Variants in PTPRG observed in about 807,000 individuals in gnomAD.
PTPRG encodes protein tyrosine phosphatase receptor type G, also known as receptor-type tyrosine-protein phosphatase gamma.
Under a neutral mutation model 165.3 loss-of-function variants are expected in PTPRG, and 102 were observed. That is an observed-to-expected ratio of 0.62 (90% CI 0.53 to 0.73). PTPRG has a LOEUF of 0.73. PTPRG is among the 30% of genes least tolerant of loss of function. The pLI, the probability that PTPRG is intolerant of heterozygous loss-of-function variation, is 0.00. For missense variants in PTPRG, 1,866 were observed against 1,861.4 expected, an observed-to-expected ratio of 1.00 and a Z score of -0.05; for synonymous variants, 675 against 669.5, an observed-to-expected ratio of 1.01 and a Z score of -0.13.
Position 61,562,470 on chromosome 3 carries a change from AC to A in PTPRG, c.85+101del, listed in dbSNP as rs1286242243. On this transcript the variant is annotated intron_variant, in intron 1 of 29. Coordinates refer to ENST00000474889, the MANE Select transcript of PTPRG (RefSeq NM_002841.4). ...CGGAGCTCCGGCGCCCGTCCGGGAGACCCTGGAGAGGGTGGAGGGTGGCCCG... is the reference window on the plus strand; with the variant it reads ...CGGAGCTCCGGCGCCCGTCCGGGAGACCTGGAGAGGGTGGAGGGTGGCCCG... 5.1e-6 allele frequency: 6 copies of A among 1,179,302 alleles called. No homozygotes were observed. In the African/African-American group the frequency reaches 9.1e-5, roughly 18 times the overall value. 73.1% of individuals were successfully genotyped at this position (1,179,302 alleles called of 1,614,324 possible).
At chr3:61,804,457 AT>A (rs777185733) in intron 2 of PTPRG, among the ~76,000 whole-genome samples, 5 of 152,186 alleles carry the variant, frequency 3.3e-5, no homozygotes, top group Non-Finnish European at 7.4e-5. Flanking sequence ...TTGCTTTTAT[AT>A]CCCCAAATGG....
chr3:61,875,360 A>T (rs192007492), intron 2 of PTPRG, among the ~76,000 whole-genome samples: 1 of 149,380 alleles, frequency 6.7e-6, no homozygotes, highest in African/African-American at 2.5e-5. Context: ...ACTTGATTCC[A>T]TCTGCAAGGC....
At chr3:62,059,791 G>A (rs1019131772) in intron 4 of PTPRG, among the ~76,000 whole-genome samples, 2 of 152,156 alleles carry the variant, frequency 1.3e-5, no homozygotes, top group African/African-American at 4.8e-5. Context: ...CTCCCATGCT[G>A]CTGTTCTCAT....
intron 2 of PTPRG, among the ~76,000 whole-genome samples, chr3:61,930,939 C>T (rs1367952911): frequency 2.0e-5 from 3 of 152,116 alleles, no homozygotes; most frequent in Admixed American, 6.6e-5. Context: ...CATGGTGGCG[C>T]ACCTGTAGTC....
At chr3:61,943,708 C>T (rs765338042) in intron 2 of PTPRG, among the ~76,000 whole-genome samples, 17 of 152,192 alleles carry the variant, frequency 1.1e-4, no homozygotes, top group Non-Finnish European at 2.4e-4. Flanking sequence ...CACCATCATG[C>T]CCTAAAATAT....
intron 17 of PTPRG, among the ~76,000 whole-genome samples, chr3:62,265,542 A>T (rs867200935): frequency 1.8e-4 from 28 of 152,256 alleles, no homozygotes; most frequent in Admixed American, 6.5e-4. Flanking sequence ...TGTCCTCTAT[A>T]AACAAAGGTA....
intron 2 of PTPRG, among the ~76,000 whole-genome samples, chr3:61,776,904 A>G (rs1360259257): frequency 6.6e-6 from 1 of 152,102 alleles, no homozygotes; most frequent in Non-Finnish European, 1.5e-5. Flanking sequence ...GCACGCCTGT[A>G]TAACTTTACT....
chr3:62,203,668 C>T lies in PTPRG; in HGVS notation c.1873C>T (p.Pro625Ser). The T allele has an allele frequency of 6.4e-7, 1 of 1,564,774 alleles. No homozygotes were observed. Among genetic ancestry groups the T allele is most frequent in the East Asian group, 2.4e-5 (1 of 42,266 alleles). ...GGAGCGGAATCAGACGGAGCCCAGC[C>T]CCACACCCTCGTCTCCTAACAGGAC... is the stretch of plus-strand genomic sequence containing the variant. The part of the protein sequence containing the change: ...AEERNQTEPS[P>S]TPSSPNRTAE... The change falls in exon 12 of 30, where the codon CCC (proline) becomes TCC (serine). Residue 625 changes from proline to serine, a missense_variant. This residue lies in a region of PTPRG where 1,452 missense variants were observed against 1,463.0 expected (regional missense o/e 0.99). Coordinates refer to ENST00000474889, the MANE Select transcript of PTPRG (RefSeq NM_002841.4). This position sits in a 1 kb window ranked among gnomAD's most constrained non-coding sequence, Gnocchi z 6.4.
intron 2 of PTPRG, among the ~76,000 whole-genome samples, chr3:61,870,237 G>A (rs1215422646): frequency 6.6e-6 from 1 of 151,772 alleles, no homozygotes; most frequent in Non-Finnish European, 1.5e-5. Context: ...TTCTGTTGGG[G>A]AACTATATAA....
chr3:62,284,749 A>G (rs950216693), intron 28 of PTPRG, among the ~76,000 whole-genome samples: 1 of 152,086 alleles, frequency 6.6e-6, no homozygotes, highest in Admixed American at 6.6e-5. Context: ...GACCAGAAAC[A>G]TATCAGAGTT....
intron 1 of PTPRG, among the ~76,000 whole-genome samples, chr3:61,589,316 C>CT (rs1700509758): frequency 2.0e-5 from 3 of 152,132 alleles, no homozygotes; most frequent in African/African-American, 7.2e-5. Context: ...AACTCTTACT[C>CT]TAATACCATC....
chr3:62,289,373 A>T (rs1331454757), intron 28 of PTPRG, among the ~76,000 whole-genome samples: 1 of 152,250 alleles, frequency 6.6e-6, no homozygotes, highest in Admixed American at 6.5e-5. Flanking sequence ...AGTCCTGGCC[A>T]AGGCTACATA....
chr3:62,132,537 T>A, intron 5 of PTPRG, 65 bp from the exon 6 acceptor site: 1 of 1,302,110 alleles, frequency 7.7e-7, no homozygotes, highest in South Asian at 1.2e-5. Flanking sequence ...TTTAGAAGAT[T>A]AAACTGAGAC....
intron 2 of PTPRG, among the ~76,000 whole-genome samples, chr3:61,765,421 G>A (rs530050788): frequency 2.0e-5 from 3 of 152,242 alleles, no homozygotes; most frequent in South Asian, 2.1e-4. Flanking sequence ...TTGTGACTAT[G>A]CCATTTGTCA....
intron 5 of PTPRG, among the ~76,000 whole-genome samples, chr3:62,120,961 T>A (rs866733177): frequency 1.3e-5 from 2 of 151,862 alleles, no homozygotes; most frequent in South Asian, 2.1e-4. Context: ...TAGGTTTTTT[T>A]TCACAAGACA....
At chr3:61,717,152 A>C (rs1021815533) in intron 1 of PTPRG, among the ~76,000 whole-genome samples, 4 of 152,220 alleles carry the variant, frequency 2.6e-5, no homozygotes, top group Non-Finnish European at 5.9e-5. Context: ...ATGTTTTTGA[A>C]GTCAAATAGT....
intron 1 of PTPRG, among the ~76,000 whole-genome samples, chr3:61,678,046 G>T (rs1316680946): frequency 6.6e-6 from 1 of 152,148 alleles, no homozygotes; most frequent in African/African-American, 2.4e-5. Flanking sequence ...CCTGATGTTG[G>T]GCAGATGAGG....
chr3:61,661,882 A>T (rs1260333478), intron 1 of PTPRG, among the ~76,000 whole-genome samples: 1 of 152,226 alleles, frequency 6.6e-6, no homozygotes, highest in Non-Finnish European at 1.5e-5. Flanking sequence ...CCAATCCCTT[A>T]CTGTTTCTTT....
chr3:61,864,614 A>G (rs2037356002), intron 2 of PTPRG, among the ~76,000 whole-genome samples: 1 of 152,202 alleles, frequency 6.6e-6, no homozygotes, highest in Non-Finnish European at 1.5e-5. Context: ...AATTTGTTTC[A>G]GCTCTTAATT....
Sources: gnomAD v4.1 joint callset for allele counts (sites outside exome capture counted in the v4.1 genomes callset) on GRCh38, gnomAD v4.1.1 for gene constraint, gnomAD v4.1.1 regional missense constraint, Gnocchi (gnomAD v3.1) non-coding constraint, MANE v1.5 for transcripts, NCBI Gene and HGNC (gene_info 2026-07-23, HGNC 2026-07-21) for gene names.